Variants in NAA40 observed in about 807,000 individuals in gnomAD.
The protein encoded by NAA40 is N-alpha-acetyltransferase 40, NatD catalytic subunit.
Under a neutral mutation model 36.6 loss-of-function variants are expected in NAA40, and 26 were observed. The ratio of observed to expected loss-of-function variants is 0.71; its 90% confidence interval spans 0.52 to 0.98. The LOEUF is 0.98. Among genes scored for constraint, NAA40 ranks in the 50% least tolerant of loss-of-function variants. The pLI, the probability that NAA40 is intolerant of heterozygous loss-of-function variation, is 0.00. For synonymous variants in NAA40, 129 were observed against 108.4 expected, an observed-to-expected ratio of 1.19 and a Z score of -1.18; for missense variants, 237 against 306.5, an observed-to-expected ratio of 0.77 and a Z score of 1.69.
At chr11:63,949,807 C>G (rs1212757633) in intron 3 of NAA40, among the ~76,000 whole-genome samples, 2 of 147,720 alleles carry the variant, frequency 1.4e-5, no homozygotes, top group African/African-American at 2.5e-5. Context: ...TGCAGTGGCG[C>G]CATCTCGGCT....
intron 3 of NAA40, among the ~76,000 whole-genome samples, chr11:63,949,747 T>C (rs1287406365): frequency 6.8e-6 from 1 of 148,112 alleles, no homozygotes; most frequent in African/African-American, 2.5e-5. Flanking sequence ...CAAGCTGTTT[T>C]TTTTTTTTTT....
chr11:63,950,624 G>A (rs12276514), intron 3 of NAA40, among the ~76,000 whole-genome samples: 2,898 of 151,638 alleles, frequency 0.019, 87 homozygotes, highest in African/African-American at 0.067. Context: ...CACCACGCCC[G>A]GCTAATTTTT....
chr11:63,948,012 G>A (rs964797661), intron 3 of NAA40, among the ~76,000 whole-genome samples: 2 of 151,978 alleles, frequency 1.3e-5, no homozygotes, highest in Admixed American at 6.6e-5. Flanking sequence ...GAGCCACTGC[G>A]CCCAGCTAAT....
chr11:63,954,240 A>C, intron 7 of NAA40, 98 bp from the exon 8 acceptor site: 1 of 1,474,876 alleles, frequency 6.8e-7, no homozygotes, highest in African/African-American at 1.4e-5. Flanking sequence ...CCCTCATCCT[A>C]AGGGTCTCAT....
intron 1 of NAA40, among the ~76,000 whole-genome samples, chr11:63,944,830 G>A (rs1459193982): frequency 6.8e-6 from 1 of 147,296 alleles, no homozygotes; most frequent in Non-Finnish European, 1.5e-5. Context: ...TTGAACCCAG[G>A]AGGCAGAGGC....
intron 1 of NAA40, among the ~76,000 whole-genome samples, chr11:63,945,280 G>T (rs2134270117): frequency 6.6e-6 from 1 of 152,286 alleles, no homozygotes; most frequent in African/African-American, 2.4e-5. Flanking sequence ...AGGGCTTCTG[G>T]GAATGGCTCT....
chr11:63,954,252 A>T, intron 7 of NAA40, 86 bp from the exon 8 acceptor site: 1 of 1,507,196 alleles, frequency 6.6e-7, no homozygotes, highest in Non-Finnish European at 8.9e-7. Flanking sequence ...GGGTCTCATC[A>T]GTGTGGCTGG....
At position 63,956,379 on chromosome 11, in the gene NAA40, A is replaced by G. The variant is rs931291804; in HGVS notation, c.*1900A>G. ...TATTGTCTTAGATCATGGATTCCTG[A>G]TACCTCTCACTCAAGGGGACCAAAA... On this transcript the variant is annotated 3_prime_UTR_variant, in exon 8 of 8. Transcript: ENST00000377793. 1 of 152,338 alleles carries G rather than the reference A, an allele frequency of 6.6e-6. No homozygotes were observed. The highest frequency in any genetic ancestry group is 1.5e-5 in the Non-Finnish European group (1 of 68,038). 9.4% of individuals were successfully genotyped at this position (152,338 alleles called of 1,614,324 possible).
chr11:63,944,755 C>T (rs1028869886), intron 1 of NAA40, among the ~76,000 whole-genome samples: 1 of 151,864 alleles, frequency 6.6e-6, no homozygotes, highest in African/African-American at 2.4e-5. Context: ...ATACAAAAAT[C>T]AGCTGGACAT....
At chr11:63,951,919 A>G (rs1942284744) in intron 3 of NAA40, among the ~76,000 whole-genome samples, 1 of 152,212 alleles carries the variant, frequency 6.6e-6, no homozygotes, top group African/African-American at 2.4e-5. Context: ...GAAGAGACAG[A>G]AAAGGTAGAA....
intron 1 of NAA40, among the ~76,000 whole-genome samples, chr11:63,943,481 G>A (rs1299071245): frequency 1.3e-5 from 2 of 152,172 alleles, no homozygotes; most frequent in African/African-American, 4.8e-5. Context: ...CACTATGCAG[G>A]ACATAGGCGC....
At chr11:63,946,121 AGGTGTTTG>A (rs1450446593) in intron 2 of NAA40, 186 bp downstream of exon 2, 13 of 593,642 alleles carry the variant, frequency 2.2e-5, no homozygotes, top group Non-Finnish European at 3.6e-5. Flanking sequence ...CAGTTGGCCC[AGGTGTTTG>A]GGAAAACGTG....
rs1942061214 is a variant in NAA40 at position 63,939,028 on chromosome 11, A to AGCCGCCGCCGTTGCC, written c.-66_-65insGCCGCCGTTGCCGCC. The AGCCGCCGCCGTTGCC allele has an allele frequency of 3.9e-6, 6 of 1,538,008 alleles. No individual in the cohort carries two copies. In the East Asian group the frequency reaches 1.5e-4, roughly 39 times the overall value. On this transcript the variant is annotated 5_prime_UTR_variant, in exon 1 of 8. Transcript: ENST00000377793. ...TCCGCTCTGCTGCCGCCGCTGTTGC[A>AGCCGCCGCCGTTGCC]GCCACCGCCGTTGCCGCCTCCCTGC... is the stretch of plus-strand genomic sequence containing the variant.
Position 63,954,424 on chromosome 11 carries a change from T to C in NAA40, c.659T>C (p.Phe220Ser). 6.2e-7 allele frequency: 1 copy of C among 1,612,972 alleles called. No homozygotes were observed. The highest frequency in any genetic ancestry group is 8.5e-7 in the Non-Finnish European group (1 of 1,179,470). ...SYEILSRRTK[F>S]GDSHHSHAGG... ...GAGATCCTGAGCCGGAGGACCAAGT[T>C]TGGGGACAGCCATCACTCCCACGCG... Residue 220 changes from phenylalanine (F) to serine (S), a missense_variant, in exon 8 of 8, where the codon TTT becomes TCT. By Grantham distance (155) the Phe-to-Ser change is radical. Transcript: ENST00000377793.
In NAA40 at chr11:63,955,875, T is replaced by C. The variant is rs1191692828; in HGVS notation, c.*1396T>C. The C allele has an allele frequency of 1.3e-5, 2 of 152,322 alleles. No individual in the cohort carries two copies. Among genetic ancestry groups the C allele is most frequent in the African/African-American group, 4.8e-5 (2 of 41,480 alleles). The allele number at this position is 152,322 out of a possible 1,614,324, so 9.4% of individuals were successfully genotyped here. On this transcript the variant is annotated 3_prime_UTR_variant, in exon 8 of 8. Coordinates refer to ENST00000377793, the MANE Select transcript of NAA40 (RefSeq NM_024771.4). Reference sequence around the variant, plus strand: ...CCCTTTGGATATCCCTGAGCTCTGCTGTGGGGAGTATCATAAAGGTTCTAG... The same window carrying C: ...CCCTTTGGATATCCCTGAGCTCTGCCGTGGGGAGTATCATAAAGGTTCTAG...
chr11:63,946,357 G>T, intron 2 of NAA40: 2 of 257,422 alleles, frequency 7.8e-6, no homozygotes, highest in South Asian at 1.1e-4. Flanking sequence ...GGGACTATAG[G>T]TGCCCACCAC....
chr11:63,939,910 C>CT (rs1425314185), intron 1 of NAA40, among the ~76,000 whole-genome samples: 1 of 152,232 alleles, frequency 6.6e-6, no homozygotes, highest in East Asian at 1.9e-4. Context: ...TTTTAGTTTA[C>CT]TTTCCCGGGA....
At position 63,956,823 on chromosome 11, in the gene NAA40, A is replaced by G. The variant is rs1264029018; in HGVS notation, c.*2344A>G. 6.6e-6 allele frequency: 1 copy of G among 152,050 alleles called. No individual in the cohort carries two copies. Among genetic ancestry groups the G allele is most frequent in the East Asian group, 1.9e-4 (1 of 5,178 alleles). The allele number at this position is 152,050 out of a possible 1,614,324, so 9.4% of individuals were successfully genotyped here. On this transcript the variant is annotated 3_prime_UTR_variant, in exon 8 of 8. Transcript: ENST00000377793. Reference sequence around the variant, plus strand: ...AAGCCCATCTCTACTAAAAAATACAAAAATCAGCCAGGCGTGGTTGTGGCC... The same window carrying G: ...AAGCCCATCTCTACTAAAAAATACAGAAATCAGCCAGGCGTGGTTGTGGCC...
At chr11:63,948,352 G>C (rs1942222097) in intron 3 of NAA40, among the ~76,000 whole-genome samples, 1 of 152,156 alleles carries the variant, frequency 6.6e-6, no homozygotes, top group South Asian at 2.1e-4. Flanking sequence ...CTCTTTCCCT[G>C]AGTATACAGT....
Sources: gnomAD v4.1 joint callset for allele counts (sites outside exome capture counted in the v4.1 genomes callset) on GRCh38, gnomAD v4.1.1 for gene constraint, MANE v1.5 for transcripts, NCBI Gene and HGNC (gene_info 2026-07-23, HGNC 2026-07-21) for gene names.